Variants in PEPD observed in about 807,000 individuals in gnomAD.
PEPD encodes peptidase D, also known as xaa-Pro dipeptidase.
A neutral mutation model predicts 60.7 loss-of-function variants in PEPD; 53 were observed. The observed-to-expected ratio is 0.87, with a 90% CI of 0.70 to 1.10. The LOEUF is 1.10. Ranked by LOEUF, PEPD falls within the 50% of genes least tolerant of loss-of-function variation. The probability of loss-of-function intolerance (pLI) is 0.00; values close to 1 mark genes in which losing one functional copy is unlikely to be tolerated. For missense variants in PEPD, 711 were observed against 711.9 expected, an observed-to-expected ratio of 1.00 and a Z score of 0.01; for synonymous variants, 267 against 284.1, an observed-to-expected ratio of 0.94 and a Z score of 0.60.
intron 9 of PEPD, among the ~76,000 whole-genome samples, chr19:33,418,521 G>T (rs1209489202): frequency 1.3e-5 from 2 of 152,244 alleles, no homozygotes; most frequent in East Asian, 3.9e-4. Flanking sequence ...TGGAAGGAGG[G>T]GAGCTGCTCC....
At chr19:33,446,183 C>T (rs1337759961) in intron 9 of PEPD, among the ~76,000 whole-genome samples, 4 of 152,000 alleles carry the variant, frequency 2.6e-5, no homozygotes, top group African/African-American at 9.7e-5. Context: ...CTCGGAGCCA[C>T]CAGCACTATC....
intron 9 of PEPD, among the ~76,000 whole-genome samples, chr19:33,442,293 G>T (rs1461089023): frequency 1.3e-5 from 2 of 152,216 alleles, no homozygotes; most frequent in African/African-American, 4.8e-5. Flanking sequence ...TGTAATCCCA[G>T]CTACTTGGGA....
chr19:33,490,821 G>T (rs1026993840), intron 5 of PEPD, among the ~76,000 whole-genome samples: 2 of 152,012 alleles, frequency 1.3e-5, no homozygotes, highest in African/African-American at 4.8e-5. Flanking sequence ...GCACCACCAT[G>T]CCCAGCTAAT....
rs1257277052 is a variant in PEPD, at chr19:33,500,986, C to T, written c.345G>A (p.Glu115=). The T allele has an allele frequency of 6.2e-7, 1 of 1,600,806 alleles. No individual in the cohort carries two copies. The highest frequency in any genetic ancestry group is 8.6e-7 in the Non-Finnish European group (1 of 1,167,874). ...CCACGGCATACTTCTCCTTGAAGTG[C>T]TCCTTGGAATGGATCCTCAAAGAAA... ...ATWMGKIHSK[E]HFKEKYAVDD... The change falls in exon 4 of 15, where the codon GAG becomes GAA. Residue 115 remains glutamate (E), a synonymous_variant. Transcript: ENST00000244137.
intron 7 of PEPD, among the ~76,000 whole-genome samples, chr19:33,473,777 T>C (rs1310389110): frequency 2.0e-5 from 3 of 152,252 alleles, no homozygotes; most frequent in African/African-American, 7.2e-5. Context: ...TTTCAACTTT[T>C]GACCTTCACA....
At chr19:33,514,355 C>T (rs1223130609) in intron 1 of PEPD, among the ~76,000 whole-genome samples, 1 of 151,962 alleles carries the variant, frequency 6.6e-6, no homozygotes, top group African/African-American at 2.4e-5. Context: ...CTCACACTCA[C>T]CTCACATGGG....
chr19:33,471,301 C>T (rs1301908569), intron 7 of PEPD, among the ~76,000 whole-genome samples: 1 of 152,162 alleles, frequency 6.6e-6, no homozygotes, highest in Non-Finnish European at 1.5e-5. Context: ...CACCCAGGCG[C>T]CAGGCATAGA....
At chr19:33,429,785 A>G (rs1385450086) in intron 9 of PEPD, among the ~76,000 whole-genome samples, 1 of 152,248 alleles carries the variant, frequency 6.6e-6, no homozygotes, top group Admixed American at 6.5e-5. Flanking sequence ...TTACAGAGCA[A>G]TAAGTCACCC....
chr19:33,443,676 CAA>C (rs111740291), intron 9 of PEPD, among the ~76,000 whole-genome samples: 7 of 142,542 alleles, frequency 4.9e-5, no homozygotes, highest in Non-Finnish European at 7.7e-5. Context: ...ACTCTTATTC[CAA>C]AAAAAAAAAA....
At chr19:33,410,698 G>A (rs1240214892) in intron 11 of PEPD, among the ~76,000 whole-genome samples, 1 of 152,224 alleles carries the variant, frequency 6.6e-6, no homozygotes, top group Non-Finnish European at 1.5e-5. Flanking sequence ...TCTGCAGGAG[G>A]CTTGTTCGGG....
chr19:33,401,074 T>C (rs779343023), intron 12 of PEPD, among the ~76,000 whole-genome samples: 6 of 152,154 alleles, frequency 3.9e-5, no homozygotes, highest in Non-Finnish European at 7.4e-5. Context: ...CTGTGCAGGC[T>C]GCCTGGGGTT....
At chr19:33,512,454 A>G (rs1970944539) in intron 2 of PEPD, 139 bp downstream of exon 2, 2 of 806,068 alleles carry the variant, frequency 2.5e-6, no homozygotes, top group Non-Finnish European at 4.1e-6. Flanking sequence ...GAGCCCCTGG[A>G]CCACTTCCCA....
In PEPD at chr19:33,500,943, C is replaced by T. The variant is rs533413828; in HGVS notation, c.388G>A (p.Asp130Asn). The T allele has an allele frequency of 3.1e-6, 5 of 1,590,804 alleles. No individual in the cohort carries two copies. The highest frequency in any genetic ancestry group is 3.5e-6 in the Non-Finnish European group (4 of 1,159,180). The change falls in exon 4 of 15, where the codon GAT becomes AAT. Residue 130 changes from aspartate to asparagine, a missense_variant. By Grantham distance (23) the Asp-to-Asn change is conservative. Coordinates refer to ENST00000244137, the MANE Select transcript of PEPD (RefSeq NM_000285.4). ...AGGAGGAGCCGGCTACCCACCTCAT[C>T]TACGTACTGGACGTCGTCCACGGCA... is the stretch of plus-strand genomic sequence containing the variant. ...KYAVDDVQYVDEIASVLTSQK... is the reference protein window; with the variant it reads ...KYAVDDVQYVNEIASVLTSQK...
intron 4 of PEPD, among the ~76,000 whole-genome samples, chr19:33,494,347 T>C (rs1467433654): frequency 6.6e-6 from 1 of 152,232 alleles, no homozygotes; most frequent in African/African-American, 2.4e-5. Context: ...ATCACTGACA[T>C]ACTCTATGCT....
At chr19:33,458,206 C>T (rs1226051177) in intron 9 of PEPD, among the ~76,000 whole-genome samples, 1 of 149,000 alleles carries the variant, frequency 6.7e-6, no homozygotes, top group Non-Finnish European at 1.5e-5. Flanking sequence ...GTGGTGTGTG[C>T]AGGGTATTGG....
chr19:33,521,721 A>G (rs758939531), intron 1 of PEPD, 23 bp downstream of exon 1: 34 of 1,579,080 alleles, frequency 2.2e-5, no homozygotes, highest in South Asian at 2.0e-4. Context: ...AGCGGGAAAG[A>G]GCGAGGGAGG....
At chr19:33,486,742 C>G (rs1296484896) in intron 6 of PEPD, among the ~76,000 whole-genome samples, 1 of 152,160 alleles carries the variant, frequency 6.6e-6, no homozygotes, top group African/African-American at 2.4e-5. Flanking sequence ...GTAGCCACAC[C>G]TGGAGGGGTC....
chr19:33,471,248 TGGCTTAACCAATTATCCGTAGGGC>T (rs1970114796), intron 7 of PEPD, among the ~76,000 whole-genome samples: 1 of 152,224 alleles, frequency 6.6e-6, no homozygotes, highest in South Asian at 2.1e-4. Context: ...TGCTGTGTGC[TGGCTTAACCAATTATCCGTAGGGC>T]ACTCTGGGCC....
intron 7 of PEPD, among the ~76,000 whole-genome samples, chr19:33,474,454 C>T (rs982096217): frequency 6.6e-6 from 1 of 152,230 alleles, no homozygotes; most frequent in Non-Finnish European, 1.5e-5. Flanking sequence ...GGAGTCTCAA[C>T]AGGTGACAGT....
Sources: allele counts gnomAD v4.1 joint callset (sites outside exome capture counted in the v4.1 genomes callset), GRCh38; gene constraint gnomAD v4.1.1; transcripts MANE v1.5; gene names NCBI Gene and HGNC (gene_info 2026-07-23, HGNC 2026-07-21).